CRIM1: variants seen among roughly 807,000 people sequenced by gnomAD.
CRIM1 encodes the protein cysteine rich transmembrane BMP regulator 1, also known as cysteine-rich motor neuron 1 protein.
A neutral mutation model predicts 116.4 loss-of-function variants in CRIM1; 32 were observed. The ratio of observed to expected loss-of-function variants is 0.27; its 90% CI spans 0.21 to 0.37. CRIM1 has a LOEUF of 0.37. CRIM1 is among the 10% of genes least tolerant of loss of function. CRIM1 has a pLI of 1.00. For missense variants in CRIM1, 1,331 were observed against 1,354.8 expected (o/e 0.98, Z 0.28); for synonymous variants, 590 against 509.2 (o/e 1.16, Z -2.13).
At chr2:36,440,824 A>G (rs1303545927) in intron 2 of CRIM1, among the ~76,000 whole-genome samples, 3 of 152,194 alleles carry the variant, frequency 2.0e-5, no homozygotes, top group East Asian at 3.9e-4. Flanking sequence ...CATTGTCTCC[A>G]GTTTCTGAAG....
At chr2:36,410,382 T>C (rs569357376) in intron 2 of CRIM1, among the ~76,000 whole-genome samples, 2 of 152,188 alleles carry the variant, frequency 1.3e-5, no homozygotes, top group Non-Finnish European at 2.9e-5. Context: ...GTTAAAAAAT[T>C]GCTGTGTCTT....
chr2:36,442,829 C>T (rs987616076), intron 4 of CRIM1, 94 bp downstream of exon 4: 5 of 1,413,128 alleles, frequency 3.5e-6, no homozygotes, highest in Non-Finnish European at 4.9e-6. Context: ...CCATGAGAAA[C>T]CTAGTCCTTT....
chr2:36,508,632 T>G (rs1207038934), intron 8 of CRIM1, among the ~76,000 whole-genome samples: 2 of 152,236 alleles, frequency 1.3e-5, no homozygotes, highest in African/African-American at 4.8e-5. Flanking sequence ...TTCTTTAAAT[T>G]TGATTGTCTT....
intron 1 of CRIM1, among the ~76,000 whole-genome samples, chr2:36,360,118 T>A (rs2148272652): frequency 6.6e-6 from 1 of 152,344 alleles, no homozygotes; most frequent in South Asian, 2.1e-4. Flanking sequence ...AATTATGTTT[T>A]GAGCTAAGGG....
chr2:36,372,952 T>C (rs1670040828), intron 1 of CRIM1, among the ~76,000 whole-genome samples: 1 of 152,202 alleles, frequency 6.6e-6, no homozygotes, highest in Non-Finnish European at 1.5e-5. Context: ...GGTCCACTGA[T>C]GATTTTCCTA....
In CRIM1 at chr2:36,356,933, G is replaced by A. The variant is rs1668859899; in HGVS notation, c.331+310G>A. The stretch of plus-strand genomic sequence containing the variant: ...TGCTGGGACTGGGTGGCCCGGCCTT[G>A]CTCCCCGAGGTGGGGGCGCCGCGGG... On this transcript the variant is annotated intron_variant, in intron 1 of 16. Coordinates refer to ENST00000280527, the MANE Select transcript of CRIM1 (RefSeq NM_016441.3). This position sits in a 1 kb window ranked among gnomAD's most constrained non-coding sequence, Gnocchi z 4.3. Among the ~76,000 whole-genome samples, 1 of 152,122 alleles carries A rather than the reference G, an allele frequency of 6.6e-6. No individual in the cohort carries two copies. Among genetic ancestry groups the A allele is most frequent in the Admixed American group, 6.5e-5 (1 of 15,280 alleles).
intron 1 of CRIM1, among the ~76,000 whole-genome samples, chr2:36,380,283 G>C (rs1413782145): frequency 6.6e-6 from 1 of 152,152 alleles, no homozygotes; most frequent in Non-Finnish European, 1.5e-5. Flanking sequence ...TTCTTTGCCG[G>C]CTTCCCTTTT....
chr2:36,356,765 G>A lies in CRIM1; in HGVS notation c.331+142G>A. 1.3e-6 allele frequency: 1 copy of A among 782,686 alleles called. No homozygotes were observed. Among genetic ancestry groups the A allele is most frequent in the African/African-American group, 1.7e-5 (1 of 57,172 alleles). 48.5% of individuals were successfully genotyped at this position (782,686 alleles called of 1,614,324 possible). ...AGGGGCGGCCGCCGCCCCCAGGAGA[G>A]TGCCCCCGCGGCCCTGCGTTCCCTC... is the stretch of plus-strand genomic sequence containing the variant. On this transcript the variant is annotated intron_variant, in intron 1 of 16. Transcript: ENST00000280527. This position sits in a 1 kb window ranked among gnomAD's most constrained non-coding sequence, Gnocchi z 4.3.
chr2:36,544,601 C>T, intron 15 of CRIM1, 103 bp downstream of exon 15: 2 of 1,187,094 alleles, frequency 1.7e-6, no homozygotes, highest in East Asian at 2.9e-5. Flanking sequence ...AAATGACTTG[C>T]TGAAGTAAAT....
chr2:36,473,084 G>A (rs989781841), intron 5 of CRIM1, among the ~76,000 whole-genome samples: 1 of 152,042 alleles, frequency 6.6e-6, no homozygotes, highest in Non-Finnish European at 1.5e-5. Flanking sequence ...CTTCATTATC[G>A]AAAAAACTGG....
At chr2:36,487,562 A>AG (rs1245505444) in intron 7 of CRIM1, among the ~76,000 whole-genome samples, 3 of 151,554 alleles carry the variant, frequency 2.0e-5, no homozygotes, top group Non-Finnish European at 2.9e-5. Flanking sequence ...TCTGGTTTAA[A>AG]AAAAAAAAAA....
At chr2:36,405,159 T>A (rs2148401008) in intron 2 of CRIM1, among the ~76,000 whole-genome samples, 1 of 152,340 alleles carries the variant, frequency 6.6e-6, no homozygotes, top group African/African-American at 2.4e-5. Context: ...TAACTTTTTT[T>A]CTCAAAAGCA....
Position 36,517,410 on chromosome 2 carries a change from A to G in CRIM1, c.2074A>G (p.Thr692Ala). The G allele has an allele frequency of 1.9e-6, 3 of 1,614,232 alleles. No homozygotes were observed. The highest frequency in any genetic ancestry group is 1.7e-6 in the Non-Finnish European group (2 of 1,180,026). Residue 692 changes from threonine (T) to alanine (A), a missense_variant, in exon 12 of 17, where the codon ACG becomes GCG. Transcript: ENST00000280527. ...PGGEYFVEGE[T>A]WNIDSCTQCT... ...AGGAGAATACTTTGTGGAAGGAGAA[A>G]CGTGGAACATTGACTCCTGTACTCA...
At chr2:36,517,240 T>C in intron 11 of CRIM1, 87 bp from the exon 12 acceptor site, 1 of 1,010,378 alleles carries the variant, frequency 9.9e-7, no homozygotes, top group South Asian at 1.4e-5. Context: ...TCATCTCTTC[T>C]ATCCCTTAAA....
intron 7 of CRIM1, among the ~76,000 whole-genome samples, chr2:36,495,475 A>ATTTTTTTTT (rs1024205619): frequency 2.9e-4 from 38 of 129,612 alleles, no homozygotes; most frequent in Non-Finnish European, 4.7e-4. Context: ...TTATTTATTT[A>ATTTTTTTTT]TTTTTTTTTT....
chr2:36,424,627 C>G (rs1674315594), intron 2 of CRIM1, among the ~76,000 whole-genome samples: 1 of 152,184 alleles, frequency 6.6e-6, no homozygotes, highest in South Asian at 2.1e-4. Context: ...AGTCTCTACT[C>G]CCAACATCCT....
At chr2:36,460,364 G>T (rs1677484861) in intron 4 of CRIM1, among the ~76,000 whole-genome samples, 1 of 152,176 alleles carries the variant, frequency 6.6e-6, no homozygotes, top group Non-Finnish European at 1.5e-5. Flanking sequence ...TAAATTAGTG[G>T]TTGCTAAGGG....
intron 4 of CRIM1, among the ~76,000 whole-genome samples, chr2:36,456,093 C>T (rs1012167293): frequency 5.3e-5 from 8 of 152,106 alleles, no homozygotes; most frequent in Non-Finnish European, 8.8e-5. Context: ...AGGCTTTGCT[C>T]AGATTTTCAA....
chr2:36,548,213 G>GC (rs1667485835), intron 16 of CRIM1, among the ~76,000 whole-genome samples: 1 of 150,598 alleles, frequency 6.6e-6, no homozygotes, highest in Admixed American at 6.6e-5. Flanking sequence ...TCATTCTTCA[G>GC]CCCCCTTGAA....
Sources: gnomAD v4.1 joint callset for allele counts (sites outside exome capture counted in the v4.1 genomes callset) on GRCh38, gnomAD v4.1.1 for gene constraint, Gnocchi (gnomAD v3.1) non-coding constraint, MANE v1.5 for transcripts, NCBI Gene and HGNC (gene_info 2026-07-23, HGNC 2026-07-21) for gene names.